ERC1: variants seen among roughly 807,000 people sequenced by gnomAD.
The protein encoded by ERC1 is RAB6 interacting protein 2.
ERC1 carries 56 observed loss-of-function variants against 132.0 expected under a neutral mutation model. The ratio of observed to expected loss-of-function variants is 0.42; its 90% CI spans 0.34 to 0.53. The LOEUF is 0.53. ERC1 is among the 20% of genes least tolerant of loss of function. The pLI is 0.03. For missense variants in ERC1, 1,202 were observed against 1,349.9 expected, an observed-to-expected ratio of 0.89 and a Z score of 1.72; for synonymous variants, 478 against 476.1, an observed-to-expected ratio of 1.00 and a Z score of -0.05.
At chr12:1,333,127 A>G (rs977532597) in intron 15 of ERC1, among the ~76,000 whole-genome samples, 3 of 149,802 alleles carry the variant, frequency 2.0e-5, no homozygotes, top group Non-Finnish European at 4.4e-5. Flanking sequence ...ATTAGGCGCC[A>G]GTGGCTGTTG....
At chr12:1,154,223 G>A (rs1001636193) in intron 8 of ERC1, among the ~76,000 whole-genome samples, 4 of 71,696 alleles carry the variant, frequency 5.6e-5, no homozygotes, top group African/African-American at 3.1e-4. Context: ...GTATGTATAT[G>A]TATATGTATA....
rs1223983121 is a variant in ERC1 at position 1,301,451 on chromosome 12, G to A, written c.2780+11439G>A. On this transcript the variant is annotated intron_variant, in intron 15 of 18. Coordinates refer to ENST00000360905, the MANE Select transcript of ERC1 (RefSeq NM_178040.4). ...CAGTGGTGGACTGGATAAAGAAAAT[G>A]TAGTGCCCATACACCATGGAATATT... is the stretch of plus-strand genomic sequence containing the variant. Among the ~76,000 whole-genome samples, 3 of 152,186 alleles carry A rather than the reference G, an allele frequency of 2.0e-5. No homozygotes were observed. The East Asian group carries it at 5.8e-4, about 29-fold the overall frequency.
chr12:1,368,078 C>T (rs887781208), intron 15 of ERC1, among the ~76,000 whole-genome samples: 7 of 150,196 alleles, frequency 4.7e-5, no homozygotes, highest in Non-Finnish European at 7.4e-5. Context: ...TTACCGTTCA[C>T]ATTTTATGTG....
intron 18 of ERC1, among the ~76,000 whole-genome samples, chr12:1,481,402 A>G (rs1489335963): frequency 6.6e-6 from 1 of 152,252 alleles, no homozygotes; most frequent in Non-Finnish European, 1.5e-5. Flanking sequence ...TGACTTCAGA[A>G]TGACTAAAGC....
intron 3 of ERC1, among the ~76,000 whole-genome samples, chr12:1,098,701 G>A (rs975453418): frequency 6.6e-6 from 1 of 152,216 alleles, no homozygotes; most frequent in Non-Finnish European, 1.5e-5. Flanking sequence ...TTGCCTGTTA[G>A]ACATCTAAAT....
chr12:1,215,040 T>C (rs1345367205), intron 12 of ERC1, among the ~76,000 whole-genome samples: 1 of 152,198 alleles, frequency 6.6e-6, no homozygotes, highest in Non-Finnish European at 1.5e-5. Flanking sequence ...CAAGTTACCA[T>C]GTTAATTTTA....
chr12:1,044,672 A>G (rs888716563), intron 2 of ERC1, among the ~76,000 whole-genome samples: 1 of 152,332 alleles, frequency 6.6e-6, no homozygotes, highest in Middle Eastern at 3.4e-3. Flanking sequence ...ATTTTGAAGT[A>G]TGAAATATAC....
chr12:1,138,077 TTATA>T (rs1240638647), intron 7 of ERC1, among the ~76,000 whole-genome samples: 1 of 125,412 alleles, frequency 8.0e-6, no homozygotes, highest in Non-Finnish European at 1.6e-5. Flanking sequence ...TTGTTTTATA[TTATA>T]TATAATATAT....
At chr12:1,172,185 T>TTGGGCTGGGTAC (rs1305945773) in intron 8 of ERC1, among the ~76,000 whole-genome samples, 2 of 152,192 alleles carry the variant, frequency 1.3e-5, no homozygotes, top group Admixed American at 6.5e-5. Context: ...TGTTTCTTCC[T>TTGGGCTGGGTAC]TGGGCTGGGT....
chr12:1,472,462 A>C (rs1210801966), intron 18 of ERC1, among the ~76,000 whole-genome samples: 1 of 152,166 alleles, frequency 6.6e-6, no homozygotes, highest in East Asian at 1.9e-4. Context: ...CAGTCTGGGC[A>C]ACATAGTGAG....
intron 18 of ERC1, among the ~76,000 whole-genome samples, chr12:1,447,531 G>GCAA (rs1370199539): frequency 7.0e-6 from 1 of 142,908 alleles, no homozygotes. Flanking sequence ...CAAACAAACA[G>GCAA]CAACAACAAC....
chr12:1,214,629 TA>T (rs1227730603), intron 12 of ERC1, among the ~76,000 whole-genome samples: 2 of 149,468 alleles, frequency 1.3e-5, no homozygotes, highest in African/African-American at 2.5e-5. Context: ...ATTTATATAT[TA>T]ACATATAAAA....
At chr12:1,034,050 A>G (rs1002059536) in intron 2 of ERC1, among the ~76,000 whole-genome samples, 52 of 152,096 alleles carry the variant, frequency 3.4e-4, no homozygotes, top group Non-Finnish European at 1.3e-4. Flanking sequence ...CTGTATCTGT[A>G]TTTTTAGGGG....
At chr12:1,364,976 A>G (rs141311211) in intron 15 of ERC1, among the ~76,000 whole-genome samples, 327 of 152,292 alleles carry the variant, frequency 2.1e-3, no homozygotes, top group African/African-American at 7.3e-3. Flanking sequence ...TTTAGTAACA[A>G]TTGTGCCCTC....
At chr12:1,392,068 G>A (rs2154382897) in intron 16 of ERC1, among the ~76,000 whole-genome samples, 1 of 152,264 alleles carries the variant, frequency 6.6e-6, no homozygotes, top group Non-Finnish European at 1.5e-5. Flanking sequence ...ACTATTCAGG[G>A]GACCACTGAG....
At chr12:1,188,768 A>T (rs553304323) in intron 11 of ERC1, among the ~76,000 whole-genome samples, 1 of 152,290 alleles carries the variant, frequency 6.6e-6, no homozygotes, top group Non-Finnish European at 1.5e-5. Flanking sequence ...TTTCTGAAAT[A>T]TTTCCTAAGA....
chr12:1,363,543 C>CTTTTTT (rs34769986), intron 15 of ERC1, among the ~76,000 whole-genome samples: 27 of 94,336 alleles, frequency 2.9e-4, no homozygotes, highest in Non-Finnish European at 4.0e-4. Context: ...TATTTCTTTC[C>CTTTTTT]TTTTTTTTTT....
At chr12:1,341,069 CTTTTTTTTTTTTTTTTTTTTTTTTT>C (rs35902573) in intron 15 of ERC1, among the ~76,000 whole-genome samples, 14 of 63,156 alleles carry the variant, frequency 2.2e-4, no homozygotes, top group East Asian at 7.3e-4. Context: ...TTTTCTTTTT[CTTTTTTTTTTTTTTTTTTTTTTTTT>C]TTTTTTTTTT....
At chr12:1,415,763 G>C (rs957142142) in intron 17 of ERC1, among the ~76,000 whole-genome samples, 1 of 152,146 alleles carries the variant, frequency 6.6e-6, no homozygotes, top group African/African-American at 2.4e-5. Context: ...GGAAGAATTC[G>C]ATCCTCTATT....
Sources: allele counts gnomAD v4.1 joint callset (sites outside exome capture counted in the v4.1 genomes callset), GRCh38; gene constraint gnomAD v4.1.1; transcripts MANE v1.5; gene names NCBI Gene and HGNC (gene_info 2026-07-23, HGNC 2026-07-21).